The following DICER1 variants were observed in gnomAD, a reference collection of about 807,000 sequenced individuals.
The protein encoded by DICER1 is endoribonuclease Dicer.
Under a neutral mutation model 194.1 loss-of-function variants are expected in DICER1, and 43 were observed. The ratio of observed to expected loss-of-function variants is 0.22; its 90% CI spans 0.17 to 0.29. DICER1 has a LOEUF of 0.29. Among genes scored for constraint, DICER1 ranks in the 10% least tolerant of loss-of-function variants. DICER1 has a pLI of 1.00. For synonymous variants in DICER1, 832 were observed against 820.5 expected, an observed-to-expected ratio of 1.01 and a Z score of -0.24; for missense variants, 1,608 against 2,317.0, an observed-to-expected ratio of 0.69 and a Z score of 6.28.
intron 1 of DICER1, among the ~76,000 whole-genome samples, chr14:95,150,600 T>C (rs983392730): frequency 1.3e-5 from 2 of 152,320 alleles, no homozygotes; most frequent in East Asian, 1.9e-4. Flanking sequence ...TTTTTAACCA[T>C]CACATTAGTG....
At chr14:95,111,517 AT>A in intron 13 of DICER1, 61 bp from the exon 14 acceptor site, 1 of 1,552,058 alleles carries the variant, frequency 6.4e-7, no homozygotes, top group Non-Finnish European at 8.9e-7. Context: ...TTAGTAAAGA[AT>A]TTAGAACAGA....
chr14:95,125,795 A>C (rs1893397510), intron 7 of DICER1, among the ~76,000 whole-genome samples: 1 of 131,006 alleles, frequency 7.6e-6, no homozygotes, highest in Non-Finnish European at 1.7e-5. Flanking sequence ...AGGTACAGAA[A>C]GAGGAGAGGA....
At chr14:95,120,733 A>T (rs1190714591) in intron 8 of DICER1, among the ~76,000 whole-genome samples, 2 of 152,254 alleles carry the variant, frequency 1.3e-5, no homozygotes, top group African/African-American at 4.8e-5. Context: ...TAAAATAAAC[A>T]TGAAACCACC....
chr14:95,097,978 TAAGAAA>T (rs1423320133), intron 22 of DICER1, among the ~76,000 whole-genome samples: 6 of 152,140 alleles, frequency 3.9e-5, no homozygotes, highest in African/African-American at 1.4e-4. Context: ...GATTGGTCCT[TAAGAAA>T]AAGAGGGCCA....
intron 1 of DICER1, among the ~76,000 whole-genome samples, chr14:95,139,318 T>C (rs1894672962): frequency 6.6e-6 from 1 of 152,234 alleles, no homozygotes; most frequent in Admixed American, 6.5e-5. Context: ...TAGAATTTCC[T>C]TGGATATAGG....
chr14:95,134,910 A>G (rs1894242731), intron 1 of DICER1, among the ~76,000 whole-genome samples: 1 of 152,202 alleles, frequency 6.6e-6, no homozygotes, highest in Non-Finnish European at 1.5e-5. Flanking sequence ...CACGAAAAAT[A>G]ATGTGCTAAT....
rs2140203876 is a variant in DICER1 at position 95,124,388 on chromosome 14, A to C, written c.1184T>G (p.Phe395Cys). 6.2e-7 allele frequency: 1 copy of C among 1,614,172 alleles called. No individual in the cohort carries two copies. Among genetic ancestry groups the C allele is most frequent in the Non-Finnish European group, 8.5e-7 (1 of 1,180,020 alleles). ...ATTATTATACCACTCAACGCTTTCAAACTGCTGTCGCTCATATGGTTTATA... is the reference window on the plus strand; with the variant it reads ...ATTATTATACCACTCAACGCTTTCACACTGCTGTCGCTCATATGGTTTATA... ...RKYKPYERQQ[F>C]ESVEWYNNRN... The change falls in exon 8 of 27, where the codon TTT (phenylalanine) becomes TGT (cysteine). Residue 395 changes from phenylalanine (F) to cysteine (C), a missense_variant. Transcript: ENST00000343455. This position sits in a 1 kb window ranked among gnomAD's most constrained non-coding sequence, Gnocchi z 4.5.
chr14:95,140,910 G>A (rs1894788920), intron 1 of DICER1, among the ~76,000 whole-genome samples: 1 of 152,094 alleles, frequency 6.6e-6, no homozygotes, highest in African/African-American at 2.4e-5. Flanking sequence ...ATTATTTTAG[G>A]ATACCAAGGC....
chr14:95,091,085 C>T lies in DICER1; in HGVS notation c.5552G>A (p.Arg1851His), dbSNP rs1426678586. The change falls in exon 26 of 27, where the codon CGT (arginine) becomes CAT (histidine). Residue 1851 changes from arginine to histidine, a missense_variant. This residue lies in a region of DICER1 where 138 missense variants were observed against 298.3 expected (regional missense o/e 0.46). Transcript: ENST00000343455. ...TTCAAGCAATTCTCGCACAGGGGAA[C>T]GGGGTACATTTGCAGAAAACTTTTC... ...LIEKFSANVP[R>H]SPVRELLEME... 6.8e-6 allele frequency: 11 copies of T among 1,613,836 alleles called. No individual in the cohort carries two copies. The highest frequency in any genetic ancestry group is 1.3e-5 in the African/African-American group (1 of 74,874).
chr14:95,141,706 T>C (rs895646646), intron 1 of DICER1: 4 of 152,258 alleles, frequency 2.6e-5, no homozygotes, highest in African/African-American at 9.6e-5. Context: ...TTCTAAGTTC[T>C]TTCAGAGTTT....
At chr14:95,113,604 A>G (rs539988324) in intron 11 of DICER1, among the ~76,000 whole-genome samples, 211 of 152,352 alleles carry the variant, frequency 1.4e-3, no homozygotes, top group African/African-American at 4.4e-3. Flanking sequence ...ACATACTGCC[A>G]ATGTTTTTTC....
In DICER1 at chr14:95,103,496, A is replaced by C; in HGVS notation, c.3900T>G (p.Ala1300=). 2 of 1,614,200 alleles carry C rather than the reference A, an allele frequency of 1.2e-6. No homozygotes were observed. Among genetic ancestry groups the C allele is most frequent in the Non-Finnish European group, 1.7e-6 (2 of 1,180,034 alleles). The stretch of plus-strand genomic sequence containing the variant: ...CATCACTAGCGTTTGACAGAGTCAA[A>C]GCCTGAAGAATAAGTCCAGGATTGG... ...LGPNPGLILQ[A]LTLSNASDGF... Residue 1300 remains alanine, a synonymous_variant, in exon 21 of 27, where the codon GCT becomes GCG. Coordinates refer to ENST00000343455, the MANE Select transcript of DICER1 (RefSeq NM_177438.3).
chr14:95,114,552 A>G (rs1892268335), intron 11 of DICER1, among the ~76,000 whole-genome samples: 1 of 152,196 alleles, frequency 6.6e-6, no homozygotes, highest in African/African-American at 2.4e-5. Context: ...GTAATAATCA[A>G]TTTGGGCCAG....
chr14:95,109,062 T>C (rs1229140240), intron 14 of DICER1, among the ~76,000 whole-genome samples: 3 of 152,206 alleles, frequency 2.0e-5, no homozygotes, highest in African/African-American at 7.2e-5. Context: ...CTGGTGTATA[T>C]TAGGGTATGT....
intron 1 of DICER1, among the ~76,000 whole-genome samples, chr14:95,148,166 A>T (rs1232207800): frequency 6.6e-6 from 1 of 152,196 alleles, no homozygotes; most frequent in Non-Finnish European, 1.5e-5. Context: ...AGGAACCTCC[A>T]TGTGTTCAAC....
intron 11 of DICER1, among the ~76,000 whole-genome samples, chr14:95,114,473 T>C (rs1892259052): frequency 6.6e-6 from 1 of 152,074 alleles, no homozygotes; most frequent in African/African-American, 2.4e-5. Context: ...AGAGAAGAAA[T>C]GGATGGTAGA....
intron 7 of DICER1, among the ~76,000 whole-genome samples, chr14:95,125,205 T>C (rs114737417): frequency 7.4e-4 from 113 of 152,214 alleles, no homozygotes; most frequent in African/African-American, 2.6e-3. Flanking sequence ...TCTATCATCA[T>C]TTCTTTTTTC....
rs2140088004 is a variant in DICER1 at position 95,113,131 on chromosome 14, A to C, written c.2001T>G (p.Leu667=). The change falls in exon 12 of 27, where the codon CTT becomes CTG. Residue 667 remains leucine, a synonymous_variant. Transcript: ENST00000343455. ...ELPDGTFYST[L]YLPINSPLRA... ...GAAGAGGTGAGTTAATTGGCAGATA[A>C]AGAGTTGAATAAAATGTACCATCAG... 6.2e-7 allele frequency: 1 copy of C among 1,613,784 alleles called. No individual in the cohort carries two copies. The highest frequency in any genetic ancestry group is 8.5e-7 in the Non-Finnish European group (1 of 1,179,668).
intron 1 of DICER1, among the ~76,000 whole-genome samples, chr14:95,144,631 C>T (rs1475601424): frequency 1.3e-5 from 2 of 151,928 alleles, no homozygotes; most frequent in Non-Finnish European, 2.9e-5. Context: ...TTTCATTAAC[C>T]GTAAGATTCG....
Sources: gnomAD v4.1 joint callset for allele counts (sites outside exome capture counted in the v4.1 genomes callset) on GRCh38, gnomAD v4.1.1 for gene constraint, gnomAD v4.1.1 regional missense constraint, Gnocchi (gnomAD v3.1) non-coding constraint, MANE v1.5 for transcripts, NCBI Gene and HGNC (gene_info 2026-07-23, HGNC 2026-07-21) for gene names.